The following ATAD5 variants were observed in gnomAD, a reference collection of about 807,000 sequenced individuals.
ATAD5 encodes the protein ATPase family AAA domain-containing protein 5.
In ATAD5, 58 loss-of-function variants were observed where a neutral mutation model predicts 176.9. The ratio of observed to expected loss-of-function variants is 0.33; its 90% CI spans 0.27 to 0.41. The LOEUF (loss-of-function observed/expected upper bound fraction) is 0.41, where lower values mean the gene tolerates loss of function less well. Among genes scored for constraint, ATAD5 ranks in the 10% least tolerant of loss-of-function variants. The pLI is 1.00. For synonymous variants in ATAD5, 640 were observed against 712.6 expected, an observed-to-expected ratio of 0.90 and a Z score of 1.62; for missense variants, 1,789 against 2,094.1, an observed-to-expected ratio of 0.85 and a Z score of 2.84.
At chr17:30,894,313 C>T (rs145429044) in intron 21 of ATAD5, among the ~76,000 whole-genome samples, 163 bp downstream of exon 21, 3 of 152,176 alleles carry the variant, frequency 2.0e-5, no homozygotes, top group African/African-American at 7.2e-5. Flanking sequence ...CCAGCTTGAT[C>T]GCTGGGAAGA....
intron 6 of ATAD5, 85 bp downstream of exon 6, chr17:30,845,001 T>A: frequency 8.4e-7 from 1 of 1,196,832 alleles, no homozygotes; most frequent in Non-Finnish European, 1.2e-6. Context: ...AGAAAGCATG[T>A]GAATTATCAT....
At chr17:30,882,957 G>T (rs549889187) in intron 18 of ATAD5, among the ~76,000 whole-genome samples, 2 of 152,044 alleles carry the variant, frequency 1.3e-5, no homozygotes, top group African/African-American at 4.8e-5. Context: ...TTAGATAGTG[G>T]TAATGGGTGC....
In ATAD5 at chr17:30,865,739, T is replaced by C; in HGVS notation, c.3172T>C (p.Tyr1058His). 2 of 1,592,520 alleles carry C rather than the reference T, an allele frequency of 1.3e-6. No individual in the cohort carries two copies. Among genetic ancestry groups the C allele is most frequent in the Non-Finnish European group, 1.7e-6 (2 of 1,172,984 alleles). Residue 1058 changes from tyrosine (Y) to histidine (H), a missense_variant, in exon 11 of 23, where the codon TAT becomes CAT. Tyr to His is a moderately conservative substitution (Grantham distance 83). Transcript: ENST00000321990. ...GTEDMLWTEK[Y>H]QPQTASELIG... is the part of the protein sequence containing the mutation. Reference sequence around the variant, plus strand: ...TGAAGACATGCTTTGGACAGAAAAGTATCAACCTCAGACTGCCAGTGAACT... The same window carrying C: ...TGAAGACATGCTTTGGACAGAAAAGCATCAACCTCAGACTGCCAGTGAACT...
At chr17:30,888,891 C>A (rs1188007036) in intron 19 of ATAD5, among the ~76,000 whole-genome samples, 1 of 152,016 alleles carries the variant, frequency 6.6e-6, no homozygotes, top group African/African-American at 2.4e-5. Flanking sequence ...CATGGTGAAA[C>A]CCCATCTCTA....
rs368957687 is a variant in ATAD5 at position 30,893,393 on chromosome 17, A to G, written c.4540A>G (p.Ile1514Val). 1 of 1,612,062 alleles carries G rather than the reference A, an allele frequency of 6.2e-7. No homozygotes were observed. Among genetic ancestry groups the G allele is most frequent in the Non-Finnish European group, 8.5e-7 (1 of 1,179,236 alleles). The change falls in exon 21 of 23, where the codon ATT becomes GTT. Residue 1514 changes from isoleucine (I) to valine (V), a missense_variant. Physicochemically the swap from Ile to Val is conservative, Grantham distance 29 (BLOSUM62 3). Coordinates refer to ENST00000321990, the MANE Select transcript of ATAD5 (RefSeq NM_024857.5). ...TTTTTTATATAGTAATCTTGAGTTT[A>G]TTCTACCATTACCAGTTGATACCAT... ...VDFLYSNLEF[I>V]LPLPVDTIPE...
intron 6 of ATAD5, among the ~76,000 whole-genome samples, chr17:30,846,410 C>CT (rs796178928): frequency 5.3e-4 from 67 of 125,316 alleles, no homozygotes; most frequent in Middle Eastern, 4.0e-3. Context: ...TTTTTTTTTT[C>CT]TTTTTTTTTT....
At chr17:30,834,105 A>G in intron 1 of ATAD5, 43 bp from the exon 2 acceptor site, 2 of 1,422,922 alleles carry the variant, frequency 1.4e-6, no homozygotes, top group Non-Finnish European at 1.9e-6. Flanking sequence ...ATTTTGTATT[A>G]TATTGCTTGA....
chr17:30,887,672 C>T (rs772810645), intron 19 of ATAD5, among the ~76,000 whole-genome samples: 4 of 152,124 alleles, frequency 2.6e-5, no homozygotes, highest in South Asian at 2.1e-4. Flanking sequence ...AAATTAGCTG[C>T]GCAGGGTGGC....
intron 1 of ATAD5, among the ~76,000 whole-genome samples, chr17:30,833,167 C>T (rs1334474021): frequency 6.6e-6 from 1 of 151,896 alleles, no homozygotes; most frequent in Non-Finnish European, 1.5e-5. Context: ...GGTGACTTGT[C>T]TACTTAGTTT....
At chr17:30,851,595 G>A (rs1906974678) in intron 6 of ATAD5, among the ~76,000 whole-genome samples, 1 of 152,024 alleles carries the variant, frequency 6.6e-6, no homozygotes, top group African/African-American at 2.4e-5. Context: ...TTGCTTGAGA[G>A]CAGGAGGTCA....
chr17:30,873,647 G>A (rs889041771), intron 14 of ATAD5, among the ~76,000 whole-genome samples: 1 of 149,016 alleles, frequency 6.7e-6, no homozygotes, highest in Non-Finnish European at 1.5e-5. Context: ...TATTGATATA[G>A]TTTAGCCAGC....
At chr17:30,843,093 T>C (rs950893788) in intron 4 of ATAD5, among the ~76,000 whole-genome samples, 12 of 151,846 alleles carry the variant, frequency 7.9e-5, no homozygotes, top group African/African-American at 2.4e-4. Flanking sequence ...GGCTCACGCC[T>C]GTAATCCCAG....
At chr17:30,838,312 C>A (rs1344703805) in intron 3 of ATAD5, among the ~76,000 whole-genome samples, 3 of 152,172 alleles carry the variant, frequency 2.0e-5, no homozygotes, top group Admixed American at 2.0e-4. Flanking sequence ...CTGAATTAAT[C>A]CTTGAGTGAA....
intron 10 of ATAD5, among the ~76,000 whole-genome samples, chr17:30,865,374 G>T (rs888991001): frequency 6.6e-6 from 1 of 151,862 alleles, no homozygotes; most frequent in African/African-American, 2.4e-5. Context: ...GGGTTTCACC[G>T]TGTTAGCCAG....
intron 18 of ATAD5, among the ~76,000 whole-genome samples, chr17:30,882,279 C>T (rs1158957435): frequency 2.0e-5 from 3 of 150,700 alleles, no homozygotes; most frequent in Non-Finnish European, 4.4e-5. Flanking sequence ...ATTGTCTAAA[C>T]AGGCTGGGGG....
At position 30,835,852 on chromosome 17, in the gene ATAD5, C is replaced by T. The variant is rs1401548019; in HGVS notation, c.1771C>T (p.Pro591Ser). The T allele has an allele frequency of 5.6e-6, 9 of 1,613,786 alleles. No individual in the cohort carries two copies. In the Admixed American group the frequency reaches 1.2e-4, roughly 21 times the overall value. Reference protein sequence around the residue: ...SEASLLNVSTPKSTRRSGRIS... With the variant: ...SEASLLNVSTSKSTRRSGRIS... Reference sequence around the variant, plus strand: ...AGCCAGCTTGCTAAATGTTTCCACGCCCAAGTCAACTAGAAGATCTGGAAG... The same window carrying T: ...AGCCAGCTTGCTAAATGTTTCCACGTCCAAGTCAACTAGAAGATCTGGAAG... The change falls in exon 2 of 23, where the codon CCC becomes TCC. Residue 591 changes from proline to serine, a missense_variant. Pro to Ser is a moderately conservative substitution (Grantham distance 74). Around this residue, in one of 6 missense-constraint regions of ATAD5, gnomAD observed 696 missense variants for 712.5 expected, o/e 0.98. Coordinates refer to ENST00000321990, the MANE Select transcript of ATAD5 (RefSeq NM_024857.5).
chr17:30,871,378 G>A (rs1028487515), intron 14 of ATAD5, among the ~76,000 whole-genome samples: 2 of 151,018 alleles, frequency 1.3e-5, no homozygotes, highest in African/African-American at 2.4e-5. Flanking sequence ...ACGGAGTCTC[G>A]CACTTGTCGC....
intron 10 of ATAD5, chr17:30,863,954 C>T (rs1334831913): frequency 6.6e-6 from 1 of 150,802 alleles, no homozygotes. Flanking sequence ...TGTGAACCAC[C>T]GAGCCCGGCC....
intron 18 of ATAD5, among the ~76,000 whole-genome samples, chr17:30,882,438 A>G (rs1314713527): frequency 6.6e-6 from 1 of 151,636 alleles, no homozygotes; most frequent in Non-Finnish European, 1.5e-5. Context: ...AAAAGAAAAA[A>G]AATTAACTGG....
Sources: allele counts gnomAD v4.1 joint callset (sites outside exome capture counted in the v4.1 genomes callset), GRCh38; gene constraint gnomAD v4.1.1; regional missense constraint gnomAD v4.1.1; transcripts MANE v1.5; gene names NCBI Gene and HGNC (gene_info 2026-07-23, HGNC 2026-07-21).